The following ASTN2 variants were observed in gnomAD, a reference collection of about 807,000 sequenced individuals.
ASTN2 encodes the protein astrotactin 2, also known as astrotactin-2.
In ASTN2, 54 loss-of-function variants were observed where a neutral mutation model predicts 139.8. The ratio of observed to expected loss-of-function variants is 0.39; its 90% CI spans 0.31 to 0.48. The LOEUF (loss-of-function observed/expected upper bound fraction) is 0.48. Ranked by LOEUF, ASTN2 falls within the 20% of genes least tolerant of loss-of-function variation. The pLI is 0.95. For missense variants in ASTN2, 1,565 were observed against 1,725.1 expected (o/e 0.91, Z 1.64); for synonymous variants, 756 against 719.5 (o/e 1.05, Z -0.81).
intron 19 of ASTN2, among the ~76,000 whole-genome samples, chr9:116,555,826 G>GGGTGCAGA (rs1418691813): frequency 6.6e-6 from 1 of 152,282 alleles, no homozygotes; most frequent in South Asian, 2.1e-4. Context: ...ATAGGCCTCG[G>GGGTGCAGA]GGTGCAGAGG....
At chr9:117,141,549 G>T in intron 3 of ASTN2, 71 bp from the exon 4 acceptor site, 1 of 1,287,628 alleles carries the variant, frequency 7.8e-7, no homozygotes, top group East Asian at 4.8e-5. Flanking sequence ...TGGGGCTGAA[G>T]TTAGGGCTTG....
At chr9:117,331,620 G>A (rs1828710359) in intron 1 of ASTN2, among the ~76,000 whole-genome samples, 1 of 152,178 alleles carries the variant, frequency 6.6e-6, no homozygotes. Flanking sequence ...AATGGGTGGT[G>A]TGCACCAAGC....
chr9:117,405,777 T>C (rs2130970158), intron 1 of ASTN2, among the ~76,000 whole-genome samples: 1 of 152,370 alleles, frequency 6.6e-6, no homozygotes, highest in Non-Finnish European at 1.5e-5. Context: ...TATTGTCTCT[T>C]CGTTTGCTAC....
chr9:117,126,355 A>G (rs1829689490), intron 4 of ASTN2, among the ~76,000 whole-genome samples: 1 of 152,096 alleles, frequency 6.6e-6, no homozygotes, highest in South Asian at 2.1e-4. Flanking sequence ...GTCTAAATTT[A>G]CCTCCAAGCT....
At chr9:117,074,428 A>G (rs1828220776) in intron 5 of ASTN2, among the ~76,000 whole-genome samples, 1 of 152,220 alleles carries the variant, frequency 6.6e-6, no homozygotes. Context: ...CTGCTGGGAC[A>G]TTTAGGTTTT....
chr9:116,475,119 G>T (rs954601196), intron 20 of ASTN2, among the ~76,000 whole-genome samples: 11 of 152,090 alleles, frequency 7.2e-5, no homozygotes, highest in African/African-American at 2.4e-4. Flanking sequence ...CTACAAAATT[G>T]GTTTATTTGG....
At chr9:117,116,864 A>AAT (rs1829408768) in intron 4 of ASTN2, among the ~76,000 whole-genome samples, 1 of 144,924 alleles carries the variant, frequency 6.9e-6, no homozygotes, top group African/African-American at 2.6e-5. Context: ...AAAAAAAAAA[A>AAT]AGGCCTTTCC....
At chr9:116,857,414 C>G (rs537208125) in intron 11 of ASTN2, among the ~76,000 whole-genome samples, 1 of 152,292 alleles carries the variant, frequency 6.6e-6, no homozygotes, top group East Asian at 1.9e-4. Context: ...ATGCTGCAAT[C>G]CTGCTGAAGT....
intron 17 of ASTN2, among the ~76,000 whole-genome samples, chr9:116,647,563 A>T (rs1010532468): frequency 6.6e-6 from 1 of 152,160 alleles, no homozygotes; most frequent in Admixed American, 6.5e-5. Context: ...TCCTGCACAA[A>T]CAGGAAAGGC....
At chr9:116,648,077 C>G (rs770963077) in intron 17 of ASTN2, among the ~76,000 whole-genome samples, 5 of 151,674 alleles carry the variant, frequency 3.3e-5, no homozygotes, top group Non-Finnish European at 7.4e-5. Flanking sequence ...TCTTGGCTCA[C>G]TGGAACCACT....
At chr9:117,276,713 G>A (rs988619686) in intron 2 of ASTN2, among the ~76,000 whole-genome samples, 7 of 152,108 alleles carry the variant, frequency 4.6e-5, no homozygotes, top group African/African-American at 7.2e-5. Context: ...AGACAAGGGC[G>A]GGGGAGAGGG....
chr9:117,118,197 C>T (rs1829448245), intron 4 of ASTN2, among the ~76,000 whole-genome samples: 1 of 152,018 alleles, frequency 6.6e-6, no homozygotes, highest in Non-Finnish European at 1.5e-5. Flanking sequence ...CTATATTTCC[C>T]ATATGGTTTG....
In ASTN2 at chr9:116,442,344, C is replaced by T. The variant is rs535353559; in HGVS notation, c.3598+109G>A. The T allele has an allele frequency of 1.9e-4, 159 of 843,906 alleles. No individual in the cohort carries two copies. In the African/African-American group the frequency reaches 2.4e-3, roughly 13 times the overall value. 52.3% of individuals were successfully genotyped at this position (843,906 alleles called of 1,614,324 possible). A position where few individuals can be genotyped will look rare whatever the true frequency, so the allele number is the denominator to read the frequency against. On this transcript the variant is annotated intron_variant, in intron 21 of 22. Coordinates refer to ENST00000313400, the MANE Select transcript of ASTN2 (RefSeq NM_001365068.1). ...GTGCCTTCAATTTCTTCTCCCTGTG[C>T]CAGTGTGTCAGGGTGTGCGTGTGTG...
chr9:116,636,486 C>A (rs1418467624), intron 17 of ASTN2, among the ~76,000 whole-genome samples: 1 of 152,014 alleles, frequency 6.6e-6, no homozygotes, highest in East Asian at 1.9e-4. Flanking sequence ...ACTAGCCTGG[C>A]CAACATGGTG....
chr9:116,683,418 T>A (rs1429376922), intron 16 of ASTN2, among the ~76,000 whole-genome samples: 1 of 152,210 alleles, frequency 6.6e-6, no homozygotes, highest in Non-Finnish European at 1.5e-5. Flanking sequence ...GTAACCAAGA[T>A]TCCTAGTCAA....
At chr9:117,391,840 C>T (rs1830549165) in intron 1 of ASTN2, among the ~76,000 whole-genome samples, 1 of 152,130 alleles carries the variant, frequency 6.6e-6, no homozygotes, top group South Asian at 2.1e-4. Context: ...ACAATAGGGG[C>T]ACAGGCACTG....
Position 116,440,702 on chromosome 9 carries a change from G to A in ASTN2, c.3689C>T (p.Ala1230Val). The A allele has an allele frequency of 6.2e-7, 1 of 1,614,190 alleles. No homozygotes were observed. Among genetic ancestry groups the A allele is most frequent in the Non-Finnish European group, 8.5e-7 (1 of 1,180,028 alleles). The change falls in exon 22 of 23, where the codon GCC becomes GTC. Residue 1230 changes from alanine to valine, a missense_variant. Transcript: ENST00000313400. ...MAYNTLMEVS[A>V]SMLFRVQHHY... ...GTGCTGGACTCGGAACAGCATCGAG[G>A]CTGAGACCTCCATCAGTGTGTTGTA...
chr9:116,948,100 G>C (rs1403901262), intron 10 of ASTN2, among the ~76,000 whole-genome samples: 1 of 152,156 alleles, frequency 6.6e-6, no homozygotes, highest in East Asian at 1.9e-4. Context: ...TTCTTTGATA[G>C]GGCATTCTAT....
At chr9:117,370,317 A>G (rs1313863540) in intron 1 of ASTN2, among the ~76,000 whole-genome samples, 1 of 152,208 alleles carries the variant, frequency 6.6e-6, no homozygotes, top group Admixed American at 6.5e-5. Flanking sequence ...TGCACAGTCA[A>G]TGGAAAACAA....
Sources: gnomAD v4.1 joint callset for allele counts (sites outside exome capture counted in the v4.1 genomes callset) on GRCh38, gnomAD v4.1.1 for gene constraint, MANE v1.5 for transcripts, NCBI Gene and HGNC (gene_info 2026-07-23, HGNC 2026-07-21) for gene names.